The following CHRNA7 variants were observed in gnomAD, a reference collection of about 807,000 sequenced individuals.
CHRNA7 encodes neuronal acetylcholine receptor subunit alpha-7.
In CHRNA7, 17 loss-of-function variants were observed where a neutral mutation model predicts 48.0. The observed-to-expected ratio is 0.35, with a 90% CI of 0.24 to 0.53. The LOEUF is 0.53. Ranked by LOEUF, CHRNA7 falls within the 20% of genes least tolerant of loss-of-function variation. The pLI is 0.92. For synonymous variants in CHRNA7, 75 were observed against 242.3 expected (o/e 0.31, Z 6.41); for missense variants, 155 against 577.7 (o/e 0.27, Z 7.50).
chr15:32,053,366 A>G (rs1223391863), intron 2 of CHRNA7, among the ~76,000 whole-genome samples: 2 of 152,200 alleles, frequency 1.3e-5, no homozygotes, highest in Non-Finnish European at 2.9e-5. Context: ...TTATTTTTAA[A>G]ATCAGGATTA....
In CHRNA7 at chr15:32,088,088, C is replaced by T. The variant is rs150509446; in HGVS notation, c.196-13215C>T. ...TCTGCCCTAGAAGTACTCTGTGCTC[C>T]ATTTGTCTACTCCTAACCCCCACCA... is the stretch of plus-strand genomic sequence containing the variant. On this transcript the variant is annotated intron_variant, in intron 2 of 9. Coordinates refer to ENST00000306901, the MANE Select transcript of CHRNA7 (RefSeq NM_000746.6). Among the ~76,000 whole-genome samples the T allele has an allele frequency of 2.1e-3, 324 of 152,288 alleles. 1 individual carries two copies. Among genetic ancestry groups the T allele is most frequent in the African/African-American group, 7.2e-3 (301 of 41,552 alleles).
chr15:32,135,019 A>G (rs1016126610), intron 4 of CHRNA7, among the ~76,000 whole-genome samples: 1 of 152,232 alleles, frequency 6.6e-6, no homozygotes, highest in African/African-American at 2.4e-5. Context: ...TGCTTTACAT[A>G]TATTAACAAC....
chr15:32,052,938 A>G (rs2049718012), intron 2 of CHRNA7, among the ~76,000 whole-genome samples: 1 of 152,168 alleles, frequency 6.6e-6, no homozygotes, highest in Non-Finnish European at 1.5e-5. Flanking sequence ...GATGATACTG[A>G]TTTCATCATT....
Position 32,114,860 on chromosome 15 carries a change from G to T in CHRNA7, c.350+2961G>T, listed in dbSNP as rs866830902. On this transcript the variant is annotated intron_variant, in intron 4 of 9. Coordinates refer to ENST00000306901, the MANE Select transcript of CHRNA7 (RefSeq NM_000746.6). Reference sequence around the variant, plus strand: ...GCATTGGGCACAGCCATGGGCTGGGGCTCCACTGGGCCGATGTGCTGAGGG... The same window carrying T: ...GCATTGGGCACAGCCATGGGCTGGGTCTCCACTGGGCCGATGTGCTGAGGG... 9.2e-5 allele frequency among the ~76,000 whole-genome samples: 14 copies of T among 152,354 alleles called. No homozygotes were observed. In the South Asian group the frequency reaches 2.9e-3, roughly 32 times the overall value.
chr15:32,032,083 A>G (rs538476302), intron 2 of CHRNA7, among the ~76,000 whole-genome samples: 88 of 152,222 alleles, frequency 5.8e-4, no homozygotes, highest in Non-Finnish European at 1.2e-3. Flanking sequence ...CCGCACTATC[A>G]TGTTGATGAA....
At chr15:32,073,668 G>C (rs1430391358) in intron 2 of CHRNA7, among the ~76,000 whole-genome samples, 1 of 152,130 alleles carries the variant, frequency 6.6e-6, no homozygotes, top group Non-Finnish European at 1.5e-5. Flanking sequence ...GATCCCTCAT[G>C]AATGGCTTGC....
At chr15:32,103,819 A>T (rs1379032930) in intron 3 of CHRNA7, among the ~76,000 whole-genome samples, 1 of 152,186 alleles carries the variant, frequency 6.6e-6, no homozygotes, top group Non-Finnish European at 1.5e-5. Context: ...CCATGGATCC[A>T]TTGGCTCAAA....
chr15:32,117,606 C>T (rs1014914499), intron 4 of CHRNA7, among the ~76,000 whole-genome samples: 1 of 152,072 alleles, frequency 6.6e-6, no homozygotes, highest in Non-Finnish European at 1.5e-5. Flanking sequence ...AGGGTGTTCT[C>T]AGCCAGAGCA....
chr15:32,072,826 G>C (rs2050079129), intron 2 of CHRNA7, among the ~76,000 whole-genome samples: 1 of 152,244 alleles, frequency 6.6e-6, no homozygotes, highest in Admixed American at 6.5e-5. Flanking sequence ...AAAATTGAAG[G>C]AAGCTTGGCA....
chr15:32,058,952 G>C, intron 2 of CHRNA7, among the ~76,000 whole-genome samples: 1 of 151,982 alleles, frequency 6.6e-6, no homozygotes, highest in Non-Finnish European at 1.5e-5. Context: ...CTTAATGACT[G>C]TACCTGTCTA....
chr15:32,032,169 GTTC>G (rs1183074177), intron 2 of CHRNA7, among the ~76,000 whole-genome samples: 1 of 152,200 alleles, frequency 6.6e-6, no homozygotes, highest in Non-Finnish European at 1.5e-5. Context: ...CCTCAAATGT[GTTC>G]TTCCTCCTAC....
intron 3 of CHRNA7, chr15:32,101,969 C>T (rs2141261984): frequency 6.6e-6 from 1 of 152,264 alleles, no homozygotes; most frequent in African/African-American, 2.4e-5. Flanking sequence ...AATTTGGTGC[C>T]CATCTCATTC....
intron 2 of CHRNA7, among the ~76,000 whole-genome samples, chr15:32,032,342 G>T (rs1221032950): frequency 6.6e-6 from 1 of 152,180 alleles, no homozygotes; most frequent in East Asian, 1.9e-4. Flanking sequence ...AAGAGCTCAG[G>T]ATTTGTACTT....
intron 4 of CHRNA7, among the ~76,000 whole-genome samples, chr15:32,137,643 T>G (rs1212099042): frequency 6.6e-6 from 1 of 152,122 alleles, no homozygotes; most frequent in African/African-American, 2.4e-5. Context: ...TAGATACAGA[T>G]ATAGAAAAAA....
intron 4 of CHRNA7, among the ~76,000 whole-genome samples, chr15:32,121,107 G>A (rs1192931755): frequency 6.6e-6 from 1 of 152,220 alleles, no homozygotes; most frequent in African/African-American, 2.4e-5. Flanking sequence ...TCCCCAGCAT[G>A]CTAAGACCTC....
At chr15:32,060,219 G>C (rs766309438) in intron 2 of CHRNA7, among the ~76,000 whole-genome samples, 7 of 152,058 alleles carry the variant, frequency 4.6e-5, no homozygotes, top group African/African-American at 1.2e-4. Context: ...CTCTACAAAC[G>C]GTCCTGGAGG....
intron 2 of CHRNA7, among the ~76,000 whole-genome samples, chr15:32,066,693 G>A (rs904666584): frequency 6.6e-6 from 1 of 152,270 alleles, no homozygotes; most frequent in East Asian, 1.9e-4. Flanking sequence ...GAGTCAATAG[G>A]AATTGTCCTA....
At chr15:32,119,629 AT>A (rs200683436) in intron 4 of CHRNA7, among the ~76,000 whole-genome samples, 42 of 149,604 alleles carry the variant, frequency 2.8e-4, no homozygotes, top group East Asian at 7.7e-4. Context: ...TGCTTTGAAC[AT>A]TTTAAAAAAA....
In CHRNA7 at chr15:32,101,214, G is replaced by A. The variant is rs190780440; in HGVS notation, c.196-89G>A. The stretch of plus-strand genomic sequence containing the variant: ...AATTTCCACACACAACAACGCTCTC[G>A]ACAGTCAGATCCCCATGTGAATAAT... On this transcript the variant is annotated intron_variant, in intron 2 of 9. Transcript: ENST00000306901. The A allele has an allele frequency of 2.9e-5, 41 of 1,396,062 alleles. No individual in the cohort carries two copies. The Admixed American group carries it at 5.8e-4, about 20-fold the overall frequency. The allele number at this position is 1,396,062 out of a possible 1,614,324, so 86.5% of individuals were successfully genotyped here.
Sources: gnomAD v4.1 joint callset for allele counts (sites outside exome capture counted in the v4.1 genomes callset) on GRCh38, gnomAD v4.1.1 for gene constraint, MANE v1.5 for transcripts, NCBI Gene and HGNC (gene_info 2026-07-23, HGNC 2026-07-21) for gene names.